Variants in KALRN observed in about 807,000 individuals in gnomAD.
KALRN encodes kalirin RhoGEF kinase.
In KALRN, 70 loss-of-function variants were observed where a neutral mutation model predicts 353.7. The ratio of observed to expected loss-of-function variants is 0.20; its 90% CI spans 0.16 to 0.24. The LOEUF is 0.24. Among genes scored for constraint, KALRN ranks in the 10% least tolerant of loss-of-function variants. The pLI, the probability that KALRN is intolerant of heterozygous loss-of-function variation, is 1.00. For missense variants in KALRN, 2,791 were observed against 3,756.7 expected, an observed-to-expected ratio of 0.74 and a Z score of 6.72; for synonymous variants, 1,391 against 1,434.8, an observed-to-expected ratio of 0.97 and a Z score of 0.69.
intron 25 of KALRN, among the ~76,000 whole-genome samples, chr3:124,468,655 T>C: frequency 6.6e-6 from 1 of 152,256 alleles, no homozygotes; most frequent in Non-Finnish European, 1.5e-5. Flanking sequence ...AGTTCTCCCT[T>C]GCTCTATAGA....
chr3:124,504,184 G>T (rs2064950838), intron 33 of KALRN, among the ~76,000 whole-genome samples: 1 of 152,144 alleles, frequency 6.6e-6, no homozygotes, highest in African/African-American at 2.4e-5. Context: ...ATAGGTGATA[G>T]CTGCAAGGGT....
intron 39 of KALRN, among the ~76,000 whole-genome samples, chr3:124,656,426 C>T (rs563470637): frequency 2.4e-4 from 36 of 151,976 alleles, no homozygotes; most frequent in African/African-American, 5.6e-4. Context: ...CTGGCTAACA[C>T]GGTGAAACCC....
intron 21 of KALRN, among the ~76,000 whole-genome samples, chr3:124,447,971 C>A (rs2093894821): frequency 6.6e-6 from 1 of 152,300 alleles, no homozygotes; most frequent in South Asian, 2.1e-4. Context: ...CTATTCAAAT[C>A]CAAATTAAAA....
intron 34 of KALRN, among the ~76,000 whole-genome samples, chr3:124,583,283 G>C (rs1267261577): frequency 6.6e-6 from 1 of 152,046 alleles, no homozygotes; most frequent in Non-Finnish European, 1.5e-5. Flanking sequence ...CTCTTTATGA[G>C]TGTTGTGTGT....
At chr3:124,052,030 G>C (rs1387209533) in intron 1 of KALRN, among the ~76,000 whole-genome samples, 1 of 152,308 alleles carries the variant, frequency 6.6e-6, no homozygotes, top group African/African-American at 2.4e-5. Context: ...GATAGCAGGT[G>C]GGGGGACAGG....
At chr3:124,686,947 C>G (rs617149) in intron 51 of KALRN, among the ~76,000 whole-genome samples, 20,951 of 151,158 alleles carry the variant, frequency 0.14, 1,697 homozygotes, top group African/African-American at 0.22. Context: ...TCCTGAATAT[C>G]TGGGACTACA....
At chr3:124,340,216 G>A (rs902650144) in intron 9 of KALRN, among the ~76,000 whole-genome samples, 3 of 152,266 alleles carry the variant, frequency 2.0e-5, no homozygotes. Flanking sequence ...GAGCAATAAG[G>A]ATGTGTTTAA....
intron 1 of KALRN, among the ~76,000 whole-genome samples, chr3:124,075,569 T>C (rs938008405): frequency 2.6e-5 from 4 of 152,220 alleles, no homozygotes; most frequent in African/African-American, 9.7e-5. Context: ...GAGCCATTTC[T>C]TTCTCCAGGT....
chr3:124,228,634 T>A (rs554116368), intron 2 of KALRN, among the ~76,000 whole-genome samples: 1 of 152,330 alleles, frequency 6.6e-6, no homozygotes, highest in South Asian at 2.1e-4. Context: ...CATCCACCAG[T>A]TTTTATAAAT....
chr3:124,222,522 A>G (rs1022441614), intron 1 of KALRN, among the ~76,000 whole-genome samples: 9 of 152,124 alleles, frequency 5.9e-5, no homozygotes, highest in Non-Finnish European at 1.3e-4. Context: ...CTCTGAGGCA[A>G]CTCTGGAATG....
chr3:124,545,564 G>T (rs957930504), intron 33 of KALRN, among the ~76,000 whole-genome samples: 1 of 152,218 alleles, frequency 6.6e-6, no homozygotes, highest in African/African-American at 2.4e-5. Context: ...GAGCCCAGGG[G>T]TGAGGGACCT....
rs1235415290 is a variant in KALRN at position 124,720,181 on chromosome 3, A to G, written c.*711A>G. The G allele has an allele frequency of 6.6e-6, 1 of 152,610 alleles. No homozygotes were observed. Among genetic ancestry groups the G allele is most frequent in the African/African-American group, 2.4e-5 (1 of 41,454 alleles). 9.5% of individuals were successfully genotyped at this position (152,610 alleles called of 1,614,324 possible). On this transcript the variant is annotated 3_prime_UTR_variant, in exon 60 of 60. Coordinates refer to ENST00000682506, the MANE Select transcript of KALRN (RefSeq NM_001388419.1). ...AGAGAAAGCAATGTTGCCCTTTTGA[A>G]TGAGAAAATTTTTTCTGTCAATCGC...
chr3:124,195,833 A>G (rs2075369731), intron 1 of KALRN, among the ~76,000 whole-genome samples: 1 of 152,196 alleles, frequency 6.6e-6, no homozygotes, highest in East Asian at 1.9e-4. Flanking sequence ...CTAATTTCAG[A>G]CGCTTGCATC....
intron 49 of KALRN, 100 bp from the exon 50 acceptor site, chr3:124,678,090 G>A (rs1410187127): frequency 7.6e-7 from 1 of 1,314,274 alleles, no homozygotes; most frequent in Non-Finnish European, 1.1e-6. Flanking sequence ...GGGCTTGATG[G>A]AGCACCTCAC....
intron 10 of KALRN, among the ~76,000 whole-genome samples, chr3:124,368,446 C>T (rs906026302): frequency 6.7e-6 from 1 of 148,914 alleles, no homozygotes; most frequent in Non-Finnish European, 1.5e-5. Context: ...AGAGGCGCTC[C>T]GCACATCTCA....
chr3:124,162,334 G>C (rs1035413413), intron 1 of KALRN: 4 of 152,176 alleles, frequency 2.6e-5, no homozygotes, highest in Non-Finnish European at 4.4e-5. Flanking sequence ...AGGAGAGGCA[G>C]GAGTGAGAGC....
intron 34 of KALRN, among the ~76,000 whole-genome samples, chr3:124,618,214 C>T (rs2078858130): frequency 6.7e-6 from 1 of 149,234 alleles, no homozygotes; most frequent in Admixed American, 6.8e-5. Flanking sequence ...GGTTCATGCC[C>T]TTCTCCTGCC....
intron 8 of KALRN, among the ~76,000 whole-genome samples, chr3:124,330,242 T>TCA (rs1199009561): frequency 9.6e-6 from 1 of 104,294 alleles, no homozygotes; most frequent in Non-Finnish European, 1.9e-5. Context: ...TCTCTCTCTC[T>TCA]CTCTCACACA....
rs61746078 is a variant in KALRN, at chr3:124,347,254, G to C, written c.1759G>C (p.Glu587Gln). Reference protein sequence around the residue: ...ALQKRHDDFEEVAQNTYTNAD... With the variant: ...ALQKRHDDFEQVAQNTYTNAD... ...GCAGAAGAGGCATGATGACTTTGAA[G>C]AGGTGGCTCAGGTGAGAAGCTGTGT... is the stretch of plus-strand genomic sequence containing the variant. The change falls in exon 10 of 60, where the codon GAG becomes CAG. Residue 587 changes from glutamate to glutamine, a missense_variant. Physicochemically the swap from Glu to Gln is conservative, Grantham distance 29. Coordinates refer to ENST00000682506, the MANE Select transcript of KALRN (RefSeq NM_001388419.1). 1 of 1,602,888 alleles carries C rather than the reference G, an allele frequency of 6.2e-7. No individual in the cohort carries two copies. The highest frequency in any genetic ancestry group is 8.5e-7 in the Non-Finnish European group (1 of 1,175,060).
Sources: allele counts gnomAD v4.1 joint callset (sites outside exome capture counted in the v4.1 genomes callset), GRCh38; gene constraint gnomAD v4.1.1; transcripts MANE v1.5; gene names NCBI Gene and HGNC (gene_info 2026-07-23, HGNC 2026-07-21).